PCDHA1: variants seen among roughly 807,000 people sequenced by gnomAD.
PCDHA1 encodes the protein protocadherin alpha 1, also known as protocadherin alpha-1.
In PCDHA1, 42 loss-of-function variants were observed where a neutral mutation model predicts 61.3. The observed-to-expected ratio is 0.69, with a 90% CI of 0.54 to 0.89. The LOEUF (loss-of-function observed/expected upper bound fraction) is 0.89. Among genes scored for constraint, PCDHA1 ranks in the 40% least tolerant of loss-of-function variants. The pLI is 0.00. For synonymous variants in PCDHA1, 610 were observed against 553.8 expected (o/e 1.10, Z -1.43); for missense variants, 1,256 against 1,235.3 (o/e 1.02, Z -0.25).
intron 1 of PCDHA1, chr5:140,801,601 T>A: frequency 6.2e-7 from 1 of 1,614,168 alleles, no homozygotes; most frequent in Non-Finnish European, 8.5e-7. Context: ...GTTTTTCCAA[T>A]GGCTGTAAAG....
chr5:140,993,128 T>A (rs1250312762), intron 3 of PCDHA1, among the ~76,000 whole-genome samples: 2 of 152,234 alleles, frequency 1.3e-5, no homozygotes, highest in Non-Finnish European at 2.9e-5. Flanking sequence ...AATTTCCTTC[T>A]GTTGCAACAA....
At chr5:140,872,497 C>T (rs1554166232) in intron 1 of PCDHA1, among the ~76,000 whole-genome samples, 1 of 152,150 alleles carries the variant, frequency 6.6e-6, no homozygotes, top group Non-Finnish European at 1.5e-5. Flanking sequence ...CCTAGTGGTG[C>T]ATGCCTGTAG....
intron 1 of PCDHA1, among the ~76,000 whole-genome samples, chr5:140,948,853 C>T (rs1385628610): frequency 6.6e-6 from 1 of 151,298 alleles, no homozygotes; most frequent in Non-Finnish European, 1.5e-5. Context: ...TATTTGCCTT[C>T]TTATATTACT....
At chr5:140,967,159 G>A in intron 1 of PCDHA1, 2 of 1,610,752 alleles carry the variant, frequency 1.2e-6, no homozygotes, top group Non-Finnish European at 1.7e-6. Context: ...CCGTGGCGGT[G>A]AGCGCCGTTG....
chr5:140,821,833 C>T lies in PCDHA1; in HGVS notation c.2394+33149C>T, dbSNP rs2150110979. On this transcript the variant is annotated intron_variant, in intron 1 of 3. Coordinates refer to ENST00000504120, the MANE Select transcript of PCDHA1 (RefSeq NM_018900.4). ...CCGGCTCCTGCTGCTCTGGCTTCTC[C>T]TTGCCTACTGGAAGGCAGGGAGCGG... 13,895 of 1,614,122 alleles carry T rather than the reference C, an allele frequency of 8.6e-3. 1,022 individuals are homozygous for T. In the African/African-American group the frequency reaches 0.16, roughly 19 times the overall value.
intron 1 of PCDHA1, chr5:140,803,562 C>G (rs782224885): frequency 1.2e-6 from 2 of 1,614,226 alleles, no homozygotes; most frequent in Non-Finnish European, 1.7e-6. Flanking sequence ...AGAGGAGAAA[C>G]AGGATGTGGA....
Position 140,863,430 on chromosome 5 carries a change from A to G in PCDHA1, c.2394+74746A>G, listed in dbSNP as rs782084592. ...CGCTGGTGTACCGCAGCGTAGTGGG[A>G]TCTGGTCTTACTCGCAGCAAAGGAG... On this transcript the variant is annotated intron_variant, in intron 1 of 3. Coordinates refer to ENST00000504120, the MANE Select transcript of PCDHA1 (RefSeq NM_018900.4). The G allele has an allele frequency of 4.5e-5, 29 of 647,180 alleles. 1 individual carries two copies. In the Admixed American group the frequency reaches 5.6e-4, roughly 13 times the overall value. The allele number at this position is 647,180 out of a possible 1,614,324, so 40.1% of individuals were successfully genotyped here. A position where few individuals can be genotyped will look rare whatever the true frequency, so the allele number is the denominator to read the frequency against.
intron 1 of PCDHA1, chr5:140,969,338 C>G: frequency 1.1e-5 from 18 of 1,613,914 alleles, no homozygotes; most frequent in Non-Finnish European, 1.4e-5. Context: ...TGAGGTGAGA[C>G]AGTGGTCAGG....
At chr5:140,801,341 C>T (rs782016888) in intron 1 of PCDHA1, 8 of 1,613,182 alleles carry the variant, frequency 5.0e-6, no homozygotes, top group East Asian at 2.2e-5. Flanking sequence ...TGGGCCGCAT[C>T]GCGCAGGACC....
At position 140,871,191 on chromosome 5, in the gene PCDHA1, C is replaced by A. The variant is rs370303558; in HGVS notation, c.2394+82507C>A. The A allele has an allele frequency of 2.4e-5, 38 of 1,613,538 alleles. No individual in the cohort carries two copies. The African/African-American group carries it at 4.4e-4, about 19-fold the overall frequency. ...CAGAGGCTGCGCTGGTGGATGTCAA[C>A]GTGTACCTGATCATCGCCATCTGCG... On this transcript the variant is annotated intron_variant, in intron 1 of 3. Transcript: ENST00000504120.
Position 141,009,626 on chromosome 5 carries a change from G to C in PCDHA1, c.2543-1G>C, listed in dbSNP as rs782621388. The C allele has an allele frequency of 1.9e-6, 3 of 1,612,816 alleles. No individual in the cohort carries two copies. Among genetic ancestry groups the C allele is most frequent in the Non-Finnish European group, 2.5e-6 (3 of 1,179,228 alleles). On this transcript the variant is annotated splice_acceptor_variant, in intron 3 of 3. Transcript: ENST00000504120. LOFTEE classifies it high-confidence loss of function. ...ATGATTTGTAATGTTTTGTCTTTCA[G>C]AACCAGAGGCAGGAGAAGTGTCCCC...
intron 3 of PCDHA1, among the ~76,000 whole-genome samples, chr5:140,985,932 G>A (rs1554247524): frequency 6.6e-6 from 1 of 151,798 alleles, no homozygotes; most frequent in African/African-American, 2.4e-5. Flanking sequence ...GTAGAGCCGG[G>A]GTTTCACTGT....
rs146197308 is a variant in PCDHA1 at position 140,808,877 on chromosome 5, G to A, written c.2394+20193G>A. 1.9e-4 allele frequency: 304 copies of A among 1,613,254 alleles called. 1 individual carries two copies. In the African/African-American group the frequency reaches 3.5e-3, roughly 18 times the overall value. ...GCTGGACGAAAACGACAACGCGCCAGCACTGCTAGCGCCTCGGGCGGGTGG... is the reference window on the plus strand; with the variant it reads ...GCTGGACGAAAACGACAACGCGCCAACACTGCTAGCGCCTCGGGCGGGTGG... On this transcript the variant is annotated intron_variant, in intron 1 of 3. Transcript: ENST00000504120.
At chr5:140,789,131 G>A (rs953049987) in intron 1 of PCDHA1, among the ~76,000 whole-genome samples, 2 of 152,218 alleles carry the variant, frequency 1.3e-5, no homozygotes, top group African/African-American at 2.4e-5. Flanking sequence ...ACAATAAACT[G>A]AAGTTTTAAG....
chr5:140,969,076 T>C, intron 1 of PCDHA1: 2 of 1,614,162 alleles, frequency 1.2e-6, no homozygotes, highest in South Asian at 2.2e-5. Flanking sequence ...GGATACCGCA[T>C]GGCCTCAAAG....
rs145659771 is a variant in PCDHA1, at chr5:140,828,940, C to T, written c.2394+40256C>T. 1.3e-4 allele frequency: 202 copies of T among 1,614,160 alleles called. No individual in the cohort carries two copies. The Middle Eastern group carries it at 2.5e-3, about 20-fold the overall frequency. ...GGGCAATTTCATATTCTTTTAATAG[C>T]CTTGTTGCAGCCATGGTTATTGACC... On this transcript the variant is annotated intron_variant, in intron 1 of 3. Coordinates refer to ENST00000504120, the MANE Select transcript of PCDHA1 (RefSeq NM_018900.4).
intron 1 of PCDHA1, among the ~76,000 whole-genome samples, chr5:140,937,867 G>A (rs1009502911): frequency 7.9e-5 from 12 of 151,142 alleles, no homozygotes; most frequent in African/African-American, 1.2e-4. Flanking sequence ...AGCCGAGATC[G>A]CGCCACTGCA....
chr5:140,968,588 A>G (rs1554230894), intron 1 of PCDHA1: 1 of 1,614,180 alleles, frequency 6.2e-7, no homozygotes, highest in South Asian at 1.1e-5. Flanking sequence ...CACCAAAGTC[A>G]TAGCTATGGA....
chr5:140,927,614 A>G (rs1554204810), intron 1 of PCDHA1: 10 of 1,614,204 alleles, frequency 6.2e-6, no homozygotes, highest in South Asian at 1.1e-5. Flanking sequence ...TACCGCACCA[A>G]GGTTCCAGAG....
Sources: gnomAD v4.1 joint callset for allele counts (sites outside exome capture counted in the v4.1 genomes callset) on GRCh38, gnomAD v4.1.1 for gene constraint, MANE v1.5 for transcripts, NCBI Gene and HGNC (gene_info 2026-07-23, HGNC 2026-07-21) for gene names.